CHST9: variants seen among roughly 807,000 people sequenced by gnomAD.
CHST9 encodes the protein carbohydrate sulfotransferase 9.
A neutral mutation model predicts 44.4 loss-of-function variants in CHST9; 41 were observed. That is an observed-to-expected ratio of 0.92 (90% CI 0.72 to 1.20). CHST9 has a LOEUF of 1.20. Ranked by LOEUF, CHST9 falls within the 50% of genes most tolerant of loss-of-function variation. The pLI, the probability that CHST9 is intolerant of heterozygous loss-of-function variation, is 0.00. For synonymous variants in CHST9, 171 were observed against 178.4 expected (o/e 0.96, Z 0.33); for missense variants, 504 against 516.5 (o/e 0.98, Z 0.23).
intron 2 of CHST9, among the ~76,000 whole-genome samples, chr18:27,056,478 T>G (rs2057657261): frequency 6.6e-6 from 1 of 152,160 alleles, no homozygotes; most frequent in Non-Finnish European, 1.5e-5. Flanking sequence ...CTGTGGGCTG[T>G]GGGCACCTCA....
At chr18:27,026,442 A>C (rs2057286003) in intron 3 of CHST9, among the ~76,000 whole-genome samples, 1 of 152,190 alleles carries the variant, frequency 6.6e-6, no homozygotes, top group Non-Finnish European at 1.5e-5. Flanking sequence ...AGCATCGATT[A>C]AATGATAGGG....
At chr18:26,962,613 C>CT (rs528925140) in intron 4 of CHST9, among the ~76,000 whole-genome samples, 99 of 152,218 alleles carry the variant, frequency 6.5e-4, no homozygotes, top group African/African-American at 2.1e-3. Flanking sequence ...TCTATATAAT[C>CT]TTTTTTTAAC....
At chr18:26,956,295 G>A (rs1281456592) in intron 4 of CHST9, among the ~76,000 whole-genome samples, 1 of 135,624 alleles carries the variant, frequency 7.4e-6, no homozygotes, top group African/African-American at 2.9e-5. Context: ...CTGGGCGACA[G>A]AGTGAGACTC....
At chr18:26,918,380 A>G (rs1438107973) in intron 5 of CHST9, among the ~76,000 whole-genome samples, 1 of 152,114 alleles carries the variant, frequency 6.6e-6, no homozygotes, top group Non-Finnish European at 1.5e-5. Flanking sequence ...GTAAATGAAT[A>G]AATTCTGTGC....
intron 2 of CHST9, among the ~76,000 whole-genome samples, chr18:27,110,887 A>T (rs986973671): frequency 6.6e-6 from 1 of 152,254 alleles, no homozygotes. Context: ...GCAACTTCTC[A>T]GGCTGAGCCC....
chr18:27,050,512 C>T (rs941668740), intron 2 of CHST9, among the ~76,000 whole-genome samples: 2 of 152,116 alleles, frequency 1.3e-5, no homozygotes, highest in African/African-American at 4.8e-5. Flanking sequence ...AACAGCCCTT[C>T]GAGTCTTTTA....
At chr18:27,103,571 AG>A (rs1421721739) in intron 2 of CHST9, among the ~76,000 whole-genome samples, 6 of 152,346 alleles carry the variant, frequency 3.9e-5, no homozygotes, top group African/African-American at 1.4e-4. Flanking sequence ...TGACCGCAAG[AG>A]TATGCGATCA....
intron 2 of CHST9, among the ~76,000 whole-genome samples, chr18:27,134,686 T>C (rs889978261): frequency 9.9e-5 from 15 of 152,218 alleles, no homozygotes; most frequent in African/African-American, 3.1e-4. Context: ...GTTATATTTA[T>C]ATAATTCTCT....
At chr18:27,043,104 AG>A (rs753941796) in intron 3 of CHST9, among the ~76,000 whole-genome samples, 5 of 152,150 alleles carry the variant, frequency 3.3e-5, no homozygotes, top group Non-Finnish European at 5.9e-5. Context: ...TGATTCTCAC[AG>A]GACAGCTTTG....
intron 2 of CHST9, among the ~76,000 whole-genome samples, chr18:27,100,366 A>G (rs2058159299): frequency 6.6e-6 from 1 of 152,206 alleles, no homozygotes; most frequent in African/African-American, 2.4e-5. Context: ...ATCATGCAAT[A>G]TACTCAGGAA....
At chr18:26,923,345 G>T (rs1322446557) in intron 5 of CHST9, among the ~76,000 whole-genome samples, 3 of 152,144 alleles carry the variant, frequency 2.0e-5, no homozygotes, top group African/African-American at 7.2e-5. Flanking sequence ...AGGGTTAATT[G>T]TTTAGGTAAT....
In CHST9 at chr18:26,914,937, GGTTTCCCATCCAAAT is replaced by G. The variant is rs1316860928; in HGVS notation, c.*1307_*1321del. The G allele has an allele frequency of 6.3e-4, 250 of 397,654 alleles. 1 individual carries two copies. Among genetic ancestry groups the G allele is most frequent in the East Asian group, 3.5e-3 (99 of 27,996 alleles). The allele number at this position is 397,654 out of a possible 1,614,324, so 24.6% of individuals were successfully genotyped here. A position where few individuals can be genotyped will look rare whatever the true frequency, so the allele number is the denominator to read the frequency against. ...GGGTAAAAGTCGACCAATTAAAGTA[GGTTTCCCATCCAAAT>G]GTTTCCCATCCAAAATGATCCCTTT... On this transcript the variant is annotated 3_prime_UTR_variant, in exon 6 of 6. Transcript: ENST00000618847.
At chr18:27,003,481 G>A (rs1049903116) in intron 4 of CHST9, among the ~76,000 whole-genome samples, 1 of 152,098 alleles carries the variant, frequency 6.6e-6, no homozygotes, top group Non-Finnish European at 1.5e-5. Context: ...AATTGTACTT[G>A]CAATTATTTT....
Position 27,136,962 on chromosome 18 carries a change from T to C in CHST9, c.121+5727A>G, listed in dbSNP as rs560704573. ...AACTATTAGATGCAATCTGTATTGA[T>C]TTTTACTGCTTTGTATGTTTTAAAA... On this transcript the variant is annotated intron_variant, in intron 2 of 5. Transcript: ENST00000618847. 7.2e-5 allele frequency among the ~76,000 whole-genome samples: 11 copies of C among 152,302 alleles called. No individual in the cohort carries two copies. The South Asian group carries it at 2.3e-3, about 32-fold the overall frequency.
chr18:26,968,663 G>A (rs1356236235), intron 4 of CHST9, among the ~76,000 whole-genome samples: 1 of 152,154 alleles, frequency 6.6e-6, no homozygotes, highest in Non-Finnish European at 1.5e-5. Context: ...AATGGTGCAT[G>A]CATTTCATAC....
intron 1 of CHST9, among the ~76,000 whole-genome samples, chr18:27,152,384 G>A (rs2058666328): frequency 6.6e-6 from 1 of 150,626 alleles, no homozygotes; most frequent in Admixed American, 6.6e-5. Context: ...TCTTTAGACT[G>A]CACAAGCTAA....
chr18:27,001,422 TA>T (rs2056951855), intron 4 of CHST9, among the ~76,000 whole-genome samples: 1 of 152,178 alleles, frequency 6.6e-6, no homozygotes, highest in South Asian at 2.1e-4. Flanking sequence ...AGCAAAAGTA[TA>T]AAGAAGTTTG....
rs138832762 is a variant in CHST9, at chr18:27,058,547, C to T, written c.122-10044G>A. On this transcript the variant is annotated intron_variant, in intron 2 of 5. Transcript: ENST00000618847. ...AGCTTCTACTTTCCATCTTTAAAAA[C>T]GTGCTCCAGACACCATGTAAGAAAT... Among the ~76,000 whole-genome samples, 612 of 152,230 alleles carry T rather than the reference C, an allele frequency of 4.0e-3. 9 individuals carry two copies. The highest frequency in any genetic ancestry group is 0.024 in the Admixed American group (374 of 15,284).
intron 4 of CHST9, among the ~76,000 whole-genome samples, chr18:26,953,788 G>A (rs2145135680): frequency 6.6e-6 from 1 of 152,194 alleles, no homozygotes; most frequent in African/African-American, 2.4e-5. Flanking sequence ...CTCCCAATTA[G>A]CCTGCTCCTT....
Sources: allele counts gnomAD v4.1 joint callset (sites outside exome capture counted in the v4.1 genomes callset), GRCh38; gene constraint gnomAD v4.1.1; transcripts MANE v1.5; gene names NCBI Gene and HGNC (gene_info 2026-07-23, HGNC 2026-07-21).